The following AHNAK variants were observed in gnomAD, a reference collection of about 807,000 sequenced individuals.
The protein encoded by AHNAK is neuroblast differentiation-associated protein AHNAK.
In AHNAK, 23 loss-of-function variants were observed where a neutral mutation model predicts 37.8. The observed-to-expected ratio is 0.61, with a 90% CI of 0.44 to 0.86. The LOEUF (loss-of-function observed/expected upper bound fraction) is 0.86, where lower values mean the gene tolerates loss of function less well. Ranked by LOEUF, AHNAK falls within the 40% of genes least tolerant of loss-of-function variation. The probability of loss-of-function intolerance (pLI) is 0.00; values close to 1 mark genes in which losing one functional copy is unlikely to be tolerated. For synonymous variants in AHNAK, 2,481 were observed against 2,636.3 expected (o/e 0.94, Z 1.80); for missense variants, 7,411 against 7,319.4 (o/e 1.01, Z -0.46).
intron 1 of AHNAK, among the ~76,000 whole-genome samples, chr11:62,546,265 C>T (rs1473610060): frequency 6.6e-6 from 1 of 152,164 alleles, no homozygotes; most frequent in Non-Finnish European, 1.5e-5. Context: ...GAAATTTCCC[C>T]TCCAGTAAAC....
chr11:62,503,898 T>C (rs7105793), intron 4 of AHNAK, among the ~76,000 whole-genome samples: 20,142 of 152,144 alleles, frequency 0.13, 3,443 homozygotes, highest in African/African-American at 0.4. Context: ...TGGTGGCTTA[T>C]GCCTGTAATG....
In AHNAK at chr11:62,523,298, T is replaced by C; in HGVS notation, c.11119A>G (p.Ile3707Val). ...EGDLKGPEVDIKGPKVDIDTP... is the reference protein window; with the variant it reads ...EGDLKGPEVDVKGPKVDIDTP... ...TCAATGTCCACTTTGGGGCCCTTGA[T>C]GTCCACCTCAGGGCCTTTTAGATCA... Residue 3707 changes from isoleucine (I) to valine (V), a missense_variant, in exon 5 of 5, where the codon ATC becomes GTC. By Grantham distance (29) the Ile-to-Val change is conservative. Coordinates refer to ENST00000378024, the MANE Select transcript of AHNAK (RefSeq NM_001620.3). 3.7e-6 allele frequency: 6 copies of C among 1,614,036 alleles called. No homozygotes were observed. Among genetic ancestry groups the C allele is most frequent in the Non-Finnish European group, 5.1e-6 (6 of 1,179,982 alleles).
chr11:62,495,490 T>C (rs1565213925), intron 4 of AHNAK, among the ~76,000 whole-genome samples: 1 of 151,774 alleles, frequency 6.6e-6, no homozygotes, highest in Non-Finnish European at 1.5e-5. Context: ...CCCAGCACTT[T>C]GGGAGGCCGA....
intron 4 of AHNAK, among the ~76,000 whole-genome samples, chr11:62,497,894 G>A (rs182612306): frequency 6.6e-5 from 10 of 152,084 alleles, no homozygotes; most frequent in Non-Finnish European, 1.5e-4. Context: ...AACCTGGGAA[G>A]CAGAGGTTGC....
Position 62,525,386 on chromosome 11 carries a change from C to T in AHNAK, c.9031G>A (p.Val3011Met), listed in dbSNP as rs1940438662. The T allele has an allele frequency of 6.2e-7, 1 of 1,613,496 alleles. No homozygotes were observed. The highest frequency in any genetic ancestry group is 8.5e-7 in the Non-Finnish European group (1 of 1,179,862). ...TGCCAGTCTGGGCCTTGAACGCCCA[C>T]ATCCGGGACATCAATGTCCACTTGG... The part of the protein sequence containing the change: ...GPQVDIDVPD[V>M]GVQGPDWHLK... The change falls in exon 5 of 5, where the codon GTG becomes ATG. Residue 3011 changes from valine (V) to methionine (M), a missense_variant. Transcript: ENST00000378024.
In AHNAK at chr11:62,529,803, G is replaced by C. The variant is rs1372183827; in HGVS notation, c.4614C>G (p.Asp1538Glu). The C allele has an allele frequency of 1.9e-6, 3 of 1,613,928 alleles. No homozygotes were observed. The highest frequency in any genetic ancestry group is 2.5e-6 in the Non-Finnish European group (3 of 1,180,012). Residue 1538 changes from aspartate (D) to glutamate (E), a missense_variant, in exon 5 of 5, where the codon GAC becomes GAG. Transcript: ENST00000378024. ...CCACCTTGGGTCCTGAAACACCAAG[G>C]TCAGCCTTGGGCAGGTTCATATCCA... ...PEVDMNLPKA[D>E]LGVSGPKVDI...
At chr11:62,454,187 G>A (rs1338124345) in intron 5 of AHNAK, among the ~76,000 whole-genome samples, 1 of 151,858 alleles carries the variant, frequency 6.6e-6, no homozygotes, top group Admixed American at 6.6e-5. Flanking sequence ...GCGGAGGCGG[G>A]CGGATCACGA....
chr11:62,440,625 T>G (rs1378962175), intron 5 of AHNAK, among the ~76,000 whole-genome samples: 1 of 152,054 alleles, frequency 6.6e-6, no homozygotes, highest in Non-Finnish European at 1.5e-5. Context: ...AGTTTAACCC[T>G]ATAATCAGGG....
At position 62,523,739 on chromosome 11, in the gene AHNAK, C is replaced by T; in HGVS notation, c.10678G>A (p.Asp3560Asn). 1.2e-6 allele frequency: 2 copies of T among 1,613,832 alleles called. No homozygotes were observed. The highest frequency in any genetic ancestry group is 1.7e-6 in the Non-Finnish European group (2 of 1,179,968). The change falls in exon 5 of 5, where the codon GAT becomes AAT. Residue 3560 changes from aspartate to asparagine, a missense_variant. By Grantham distance (23) the Asp-to-Asn change is conservative (BLOSUM62 1). Transcript: ENST00000378024. Reference sequence around the variant, plus strand: ...AGTTTGGGAAGAGAAATATCCACATCACCTTTCACCTTGGGGCCTTTCAAG... The same window carrying T: ...AGTTTGGGAAGAGAAATATCCACATTACCTTTCACCTTGGGGCCTTTCAAG... ...LNLKGPKVKGDVDISLPKLEG... is the reference protein window; with the variant it reads ...LNLKGPKVKGNVDISLPKLEG...
In AHNAK at chr11:62,531,091, T is replaced by A. The variant is rs201817329; in HGVS notation, c.3326A>T (p.Asp1109Val). The A allele has an allele frequency of 4.2e-5, 67 of 1,613,960 alleles. 1 individual carries two copies. The East Asian group carries it at 1.2e-3, about 30-fold the overall frequency. Residue 1109 changes from aspartate (D) to valine (V), a missense_variant, in exon 5 of 5, where the codon GAT becomes GTT. Transcript: ENST00000378024. The part of the protein sequence containing the change: ...PDVDIRGPKV[D>V]IKAPDVEGQG... The stretch of plus-strand genomic sequence containing the variant: ...GCCTTCCACATCTGGTGCTTTAATA[T>A]CTACCTTGGGACCTCTGATGTCCAC...
intron 4 of AHNAK, among the ~76,000 whole-genome samples, chr11:62,503,961 G>A (rs1052115223): frequency 7.9e-5 from 12 of 152,168 alleles, no homozygotes; most frequent in Admixed American, 7.2e-4. Context: ...AGGAGTTCCA[G>A]ACCAGCCTGG....
intron 5 of AHNAK, among the ~76,000 whole-genome samples, chr11:62,463,457 T>TCCTCCAGCCTCCAG (rs11280639): frequency 4.6e-5 from 7 of 150,554 alleles, no homozygotes; most frequent in East Asian, 2.0e-4. Flanking sequence ...CTCTCCTCCA[T>TCCTCCAGCCTCCAG]CCTCCAGCCT....
chr11:62,436,999 G>A (rs1366982377), intron 5 of AHNAK, among the ~76,000 whole-genome samples: 1 of 151,590 alleles, frequency 6.6e-6, no homozygotes, highest in East Asian at 1.9e-4. Flanking sequence ...ACAATGGACA[G>A]CTTGATAATC....
chr11:62,454,839 C>T (rs1195824191), intron 5 of AHNAK, among the ~76,000 whole-genome samples: 1 of 152,112 alleles, frequency 6.6e-6, no homozygotes, highest in African/African-American at 2.4e-5. Flanking sequence ...GCTCCAGCCC[C>T]TCCTCAAACG....
chr11:62,448,408 C>T (rs993995432), intron 5 of AHNAK, among the ~76,000 whole-genome samples: 3 of 152,162 alleles, frequency 2.0e-5, no homozygotes, highest in Non-Finnish European at 2.9e-5. Context: ...GGTGGTGACT[C>T]GCCACACTAC....
intron 1 of AHNAK, among the ~76,000 whole-genome samples, chr11:62,538,364 A>G (rs562425038): frequency 6.6e-6 from 1 of 152,304 alleles, no homozygotes; most frequent in African/African-American, 2.4e-5. Context: ...CTCCAGCCAC[A>G]AGGTGAGCTG....
At chr11:62,472,828 T>C (rs1310974218) in intron 5 of AHNAK, among the ~76,000 whole-genome samples, 6 of 152,146 alleles carry the variant, frequency 3.9e-5, no homozygotes, top group Non-Finnish European at 8.8e-5. Flanking sequence ...GACTCATGCC[T>C]GTAATCCCAG....
Position 62,520,490 on chromosome 11 carries a change from C to G in AHNAK, c.13927G>C (p.Val4643Leu). Residue 4643 changes from valine (V) to leucine (L), a missense_variant, in exon 5 of 5, where the codon GTT (valine) becomes CTT (leucine). Transcript: ENST00000378024. ...KVDIDVPDVD[V>L]QGPDWHLKMP... ...TTTAGGTGCCAGTCTGGGCCTTGAA[C>G]GTCCACATCTGGGACATCAATGTCC... 6.2e-7 allele frequency: 1 copy of G among 1,614,124 alleles called. No homozygotes were observed. Among genetic ancestry groups the G allele is most frequent in the Non-Finnish European group, 8.5e-7 (1 of 1,180,034 alleles).
At chr11:62,445,492 T>A (rs2509986) in intron 5 of AHNAK, among the ~76,000 whole-genome samples, 5,590 of 152,192 alleles carry the variant, frequency 0.037, 355 homozygotes, top group African/African-American at 0.13. Flanking sequence ...CTGGGCCCCA[T>A]GCCATCATTC....
Sources: allele counts gnomAD v4.1 joint callset (sites outside exome capture counted in the v4.1 genomes callset), GRCh38; gene constraint gnomAD v4.1.1; transcripts MANE v1.5; gene names NCBI Gene and HGNC (gene_info 2026-07-23, HGNC 2026-07-21).